Variants in SIRT1 observed in about 807,000 individuals in gnomAD.
SIRT1 encodes the protein sirtuin 1, also known as NAD-dependent protein deacetylase sirtuin-1.
Under a neutral mutation model 67.9 loss-of-function variants are expected in SIRT1, and 24 were observed. The observed-to-expected ratio is 0.35, with a 90% confidence interval of 0.26 to 0.50. The LOEUF is 0.50. Ranked by LOEUF, SIRT1 falls within the 20% of genes least tolerant of loss-of-function variation. The pLI, the probability that SIRT1 is intolerant of heterozygous loss-of-function variation, is 0.98. For missense variants in SIRT1, 873 were observed against 937.2 expected, an observed-to-expected ratio of 0.93 and a Z score of 0.89; for synonymous variants, 378 against 350.7, an observed-to-expected ratio of 1.08 and a Z score of -0.87.
intron 1 of SIRT1, among the ~76,000 whole-genome samples, chr10:67,886,247 C>T (rs1156419666): frequency 1.3e-5 from 2 of 148,924 alleles, no homozygotes; most frequent in East Asian, 4.3e-4. Context: ...GGTCAGGTTT[C>T]TTATTTTTGA....
Position 67,912,606 on chromosome 10 carries a change from A to G in SIRT1, c.1490A>G (p.Tyr497Cys). ...TTGTGTCATAGGTTAGGTGGTGAAT[A>G]TGCCAAACTTTGCTGTAACCCTGTA... The part of the protein sequence containing the change: ...NELCHRLGGE[Y>C]AKLCCNPVKL... Residue 497 changes from tyrosine (Y) to cysteine (C), a missense_variant, in exon 8 of 9, where the codon TAT becomes TGT. Tyr to Cys is a radical substitution (Grantham distance 194). Coordinates refer to ENST00000212015, the MANE Select transcript of SIRT1 (RefSeq NM_012238.5). 6.2e-7 allele frequency: 1 copy of G among 1,614,160 alleles called. No individual in the cohort carries two copies. Among genetic ancestry groups the G allele is most frequent in the Non-Finnish European group, 8.5e-7 (1 of 1,180,032 alleles).
chr10:67,886,555 CA>C (rs34780303), intron 1 of SIRT1, among the ~76,000 whole-genome samples: 58,235 of 98,014 alleles, frequency 0.59, 13,868 homozygotes, highest in Non-Finnish European at 0.63. Context: ...GACCCCGTCT[CA>C]AAAAAAAAAA....
intron 1 of SIRT1, among the ~76,000 whole-genome samples, chr10:67,885,614 A>G (rs938405966): frequency 2.0e-5 from 3 of 151,588 alleles, no homozygotes; most frequent in African/African-American, 4.9e-5. Context: ...ACACCTGTGC[A>G]GTTTGCTTTT....
intron 4 of SIRT1, among the ~76,000 whole-genome samples, chr10:67,905,153 C>T (rs1248604487): frequency 6.6e-6 from 1 of 152,174 alleles, no homozygotes; most frequent in African/African-American, 2.4e-5. Flanking sequence ...TGTTGCCTAG[C>T]ATATTCTCAT....
chr10:67,893,222 T>C (rs1842601438), intron 4 of SIRT1, among the ~76,000 whole-genome samples: 1 of 152,218 alleles, frequency 6.6e-6, no homozygotes, highest in African/African-American at 2.4e-5. Flanking sequence ...GGTGGTTTGC[T>C]GCATCTATCA....
Position 67,888,929 on chromosome 10 carries a change from C to T in SIRT1, c.595C>T (p.Arg199Ter), listed in dbSNP as rs773774776. The T allele has an allele frequency of 1.2e-6, 2 of 1,613,800 alleles. No individual in the cohort carries two copies. Among genetic ancestry groups the T allele is most frequent in the Non-Finnish European group, 1.7e-6 (2 of 1,179,854 alleles). ...QQHLMIGTDP[R>*]TILKDLLPET... ...ACATCTTATGATTGGCACAGATCCT[C>T]GAACAATTCTTAAAGATTTATTGCC... The change falls in exon 3 of 9, where the codon CGA becomes TGA. Residue 199 changes from arginine to a stop codon, truncating the protein, a stop_gained. Coordinates refer to ENST00000212015, the MANE Select transcript of SIRT1 (RefSeq NM_012238.5). LOFTEE classifies it high-confidence loss of function.
rs1004195059 is a variant in SIRT1 at position 67,918,373 on chromosome 10, CTT to C, written c.*1785_*1786del. ...AAAGTCTATTAAAATTGTCATTTGA[CTT>C]TTTTCTGTTAACTTACATTGTTTAA... On this transcript the variant is annotated 3_prime_UTR_variant, in exon 9 of 9. Transcript: ENST00000212015. The C allele has an allele frequency of 2.0e-5, 3 of 152,522 alleles. No homozygotes were observed. Among genetic ancestry groups the C allele is most frequent in the African/African-American group, 4.8e-5 (2 of 41,418 alleles). The allele number at this position is 152,522 out of a possible 1,614,324, so 9.4% of individuals were successfully genotyped here.
At chr10:67,900,618 GT>G (rs34037379) in intron 4 of SIRT1, among the ~76,000 whole-genome samples, 2 of 151,360 alleles carry the variant, frequency 1.3e-5, no homozygotes, top group African/African-American at 4.9e-5. Flanking sequence ...CTGTTTCTTT[GT>G]TTTTTTTATA....
rs780738595 is a variant in SIRT1, at chr10:67,913,078, G to C, written c.1915+47G>C. 2.3e-5 allele frequency: 36 copies of C among 1,533,558 alleles called. No homozygotes were observed. The South Asian group carries it at 4.7e-4, about 20-fold the overall frequency. The allele number at this position is 1,533,558 out of a possible 1,614,324, so 95.0% of individuals were successfully genotyped here. A position where few individuals can be genotyped will look rare whatever the true frequency, so the allele number is the denominator to read the frequency against. On this transcript the variant is annotated intron_variant, in intron 8 of 8. Transcript: ENST00000212015. ...TTTTGAAAGTATAAATGTCATAACA[G>C]TATTTCCAAAAAATTAGCTATTTCG... is the stretch of plus-strand genomic sequence containing the variant.
At position 67,885,164 on chromosome 10, in the gene SIRT1, C is replaced by G; in HGVS notation, c.430+13C>G. The G allele has an allele frequency of 1.5e-6, 2 of 1,373,092 alleles. No homozygotes were observed. Among genetic ancestry groups the G allele is most frequent in the Non-Finnish European group, 1.9e-6 (2 of 1,055,390 alleles). 85.1% of individuals were successfully genotyped at this position (1,373,092 alleles called of 1,614,324 possible). A position where few individuals can be genotyped will look rare whatever the true frequency, so the allele number is the denominator to read the frequency against. On this transcript the variant is annotated intron_variant, in intron 1 of 8. Transcript: ENST00000212015. ...ATTGGGTACCGAGGTGCGCAGGGTGCGGGCGGCCGGAACTGCGCATCTCCT... is the reference window on the plus strand; with the variant it reads ...ATTGGGTACCGAGGTGCGCAGGGTGGGGGCGGCCGGAACTGCGCATCTCCT...
At chr10:67,898,331 C>T (rs1842691884) in intron 4 of SIRT1, among the ~76,000 whole-genome samples, 1 of 151,518 alleles carries the variant, frequency 6.6e-6, no homozygotes, top group East Asian at 1.9e-4. Context: ...GTTTCTGTCC[C>T]ATACTGAATT....
At chr10:67,913,811 G>A (rs1008564699) in intron 8 of SIRT1, among the ~76,000 whole-genome samples, 4 of 152,106 alleles carry the variant, frequency 2.6e-5, no homozygotes, top group Admixed American at 2.0e-4. Context: ...CATACTTGGC[G>A]AAAACTGACA....
At chr10:67,899,087 A>G (rs1842702384) in intron 4 of SIRT1, among the ~76,000 whole-genome samples, 1 of 152,118 alleles carries the variant, frequency 6.6e-6, no homozygotes, top group African/African-American at 2.4e-5. Context: ...TCAGAGAAAC[A>G]TGTCAAAGTT....
chr10:67,891,380 A>G (rs539679591), intron 3 of SIRT1, 22 bp from the exon 4 acceptor site: 7 of 1,611,206 alleles, frequency 4.3e-6, no homozygotes, highest in African/African-American at 2.7e-5. Context: ...TAATTTTACA[A>G]ATTATGCCAT....
chr10:67,889,191 T>A lies in SIRT1; in HGVS notation c.789+68T>A, dbSNP rs1842531399. ...TTATGCCTTTTCCAAGTAGGAAACA[T>A]TTTTCTGGTTTAGAAGGATTTATCC... On this transcript the variant is annotated intron_variant, in intron 3 of 8. Transcript: ENST00000212015. 6.8e-6 allele frequency: 10 copies of A among 1,477,252 alleles called. No individual in the cohort carries two copies. In the South Asian group the frequency reaches 1.4e-4, roughly 21 times the overall value. 91.5% of individuals were successfully genotyped at this position (1,477,252 alleles called of 1,614,324 possible). A position where few individuals can be genotyped will look rare whatever the true frequency, so the allele number is the denominator to read the frequency against.
At chr10:67,901,830 CAAAT>C (rs1476860528) in intron 4 of SIRT1, among the ~76,000 whole-genome samples, 4 of 152,168 alleles carry the variant, frequency 2.6e-5, no homozygotes, top group African/African-American at 7.2e-5. Context: ...CTTAAATCAA[CAAAT>C]AAAGTTTATG....
rs748917510 is a variant in SIRT1, at chr10:67,912,696, T to G, written c.1580T>G (p.Leu527Trp). 4 of 1,614,116 alleles carry G rather than the reference T, an allele frequency of 2.5e-6. No homozygotes were observed. The South Asian group carries it at 4.4e-5, about 18-fold the overall frequency. Residue 527 changes from leucine (L) to tryptophan (W), a missense_variant, in exon 8 of 9, where the codon TTG becomes TGG. Around this residue, in one of 3 missense-constraint regions of SIRT1, gnomAD observed 295 missense variants for 294.5 expected, o/e 1.00. Coordinates refer to ENST00000212015, the MANE Select transcript of SIRT1 (RefSeq NM_012238.5). ...TQKELAYLSE[L>W]PPTPLHVSED... The stretch of plus-strand genomic sequence containing the variant: ...AAAGAATTGGCTTATTTGTCAGAGT[T>G]GCCACCCACACCTCTTCATGTTTCA...
intron 5 of SIRT1, among the ~76,000 whole-genome samples, chr10:67,907,503 A>AG (rs1038827714): frequency 4.0e-5 from 6 of 148,550 alleles, no homozygotes; most frequent in Non-Finnish European, 7.5e-5. Context: ...AAAAAAAAAA[A>AG]AAAAAGAAAA....
chr10:67,918,305 T>G lies in SIRT1; in HGVS notation c.*1712T>G, dbSNP rs2029994745. 2.0e-5 allele frequency: 3 copies of G among 152,690 alleles called. No homozygotes were observed. Among genetic ancestry groups the G allele is most frequent in the African/African-American group, 7.2e-5 (3 of 41,474 alleles). The allele number at this position is 152,690 out of a possible 1,614,324, so 9.5% of individuals were successfully genotyped here. A position where few individuals can be genotyped will look rare whatever the true frequency, so the allele number is the denominator to read the frequency against. On this transcript the variant is annotated 3_prime_UTR_variant, in exon 9 of 9. Coordinates refer to ENST00000212015, the MANE Select transcript of SIRT1 (RefSeq NM_012238.5). ...TAATGACTGGATATCTTCCTTCAAC[T>G]TTTGAAATACAAAACCAGTGTTTTT...
Sources: gnomAD v4.1 joint callset for allele counts (sites outside exome capture counted in the v4.1 genomes callset) on GRCh38, gnomAD v4.1.1 for gene constraint, gnomAD v4.1.1 regional missense constraint, MANE v1.5 for transcripts, NCBI Gene and HGNC (gene_info 2026-07-23, HGNC 2026-07-21) for gene names.